The following DNAH5 variants were observed in gnomAD, a reference collection of about 807,000 sequenced individuals.
DNAH5 encodes dynein axonemal heavy chain 5, also known as axonemal beta dynein heavy chain 5.
Under a neutral mutation model 518.2 loss-of-function variants are expected in DNAH5, and 372 were observed. The ratio of observed to expected loss-of-function variants is 0.72; its 90% CI spans 0.66 to 0.78. DNAH5 has a LOEUF of 0.78. Among genes scored for constraint, DNAH5 ranks in the 30% least tolerant of loss-of-function variants. The pLI is 0.00. For missense variants in DNAH5, 5,523 were observed against 5,687.0 expected (o/e 0.97, Z 0.93); for synonymous variants, 2,039 against 2,025.9 (o/e 1.01, Z -0.17).
At chr5:13,898,432 G>T (rs1450581890) in intron 15 of DNAH5, 1 of 397,520 alleles carries the variant, frequency 2.5e-6, no homozygotes, top group Non-Finnish European at 4.4e-6. Flanking sequence ...GTCTAAAAGG[G>T]AATCTCAACA....
chr5:13,736,576 A>T (rs1231917714), intron 66 of DNAH5, among the ~76,000 whole-genome samples: 2 of 151,434 alleles, frequency 1.3e-5, no homozygotes, highest in East Asian at 3.9e-4. Context: ...TTTTTCTCTT[A>T]TATTTTTAGT....
Position 13,793,716 on chromosome 5 carries a change from T to C in DNAH5, c.8023A>G (p.Ile2675Val). 1 of 1,614,052 alleles carries C rather than the reference T, an allele frequency of 6.2e-7. No individual in the cohort carries two copies. The highest frequency in any genetic ancestry group is 1.3e-5 in the African/African-American group (1 of 75,034). ...TTTTGTTCCATCAGCTGTCGCACTA[T>C]CTCATTCGTAACCTACAAAAGACAA... ...NEWGDQVTNEIVRQLMEQNGF... is the reference protein window; with the variant it reads ...NEWGDQVTNEVVRQLMEQNGF... The change falls in exon 49 of 79, where the codon ATA becomes GTA. Residue 2675 changes from isoleucine to valine, a missense_variant. Transcript: ENST00000265104.
At chr5:13,823,440 A>G in intron 39 of DNAH5, 70 bp from the exon 40 acceptor site, 1 of 1,001,488 alleles carries the variant, frequency 1.0e-6, no homozygotes, top group Non-Finnish European at 1.6e-6. Context: ...GATAAACTGG[A>G]AATGCCCAAC....
intron 78 of DNAH5, among the ~76,000 whole-genome samples, chr5:13,695,720 A>G (rs1016238668): frequency 2.0e-5 from 3 of 152,160 alleles, no homozygotes; most frequent in Admixed American, 1.3e-4. Context: ...AAGTTAACAC[A>G]TGTATGTGCC....
intron 1 of DNAH5, among the ~76,000 whole-genome samples, chr5:14,002,504 G>GA (rs951271003): frequency 2.0e-5 from 3 of 150,088 alleles, no homozygotes; most frequent in South Asian, 4.2e-4. Flanking sequence ...ACTTCAACGA[G>GA]AAAAAAAAAT....
At position 13,885,222 on chromosome 5, in the gene DNAH5, CT is replaced by C. The variant is rs1772231343; in HGVS notation, c.2749del (p.Arg917GlufsTer9). On this transcript the variant is annotated frameshift_variant, in exon 19 of 79. Transcript: ENST00000265104. LOFTEE classifies it high-confidence loss of function. ...CAAGGTGTCAAAATTTCCTTCTTCT[CT>C]TTTTGCTGTTACAAGATGAAAGAGA... ...VNYKNESSAKREEGNFDTLTS... is the reference protein window; with the variant it reads ...VNYKNESSAKXEEGNFDTLTS... 1 of 1,613,980 alleles carries C rather than the reference CT, an allele frequency of 6.2e-7. No individual in the cohort carries two copies. Among genetic ancestry groups the C allele is most frequent in the South Asian group, 1.1e-5 (1 of 90,986 alleles).
chr5:13,755,693 C>T (rs542481906), intron 61 of DNAH5, among the ~76,000 whole-genome samples: 8 of 152,266 alleles, frequency 5.3e-5, no homozygotes, highest in African/African-American at 1.2e-4. Context: ...CCCCCAACTA[C>T]GGCTACTCAC....
intron 21 of DNAH5, among the ~76,000 whole-genome samples, chr5:13,881,342 A>C (rs937756469): frequency 2.0e-5 from 3 of 152,028 alleles, no homozygotes; most frequent in Non-Finnish European, 4.4e-5. Context: ...CAGCATATAC[A>C]TTCTTCTCGA....
At chr5:13,736,349 C>A (rs949765612) in intron 66 of DNAH5, among the ~76,000 whole-genome samples, 1 of 151,544 alleles carries the variant, frequency 6.6e-6, no homozygotes, top group African/African-American at 2.4e-5. Flanking sequence ...CAAGCCATTG[C>A]AAAGATGATG....
At chr5:14,011,428 A>G (rs1313586024) in intron 1 of DNAH5, among the ~76,000 whole-genome samples, 1 of 152,164 alleles carries the variant, frequency 6.6e-6, no homozygotes, top group Non-Finnish European at 1.5e-5. Context: ...CCCTGAGGAA[A>G]AAAACGTGCG....
intron 47 of DNAH5, among the ~76,000 whole-genome samples, chr5:13,799,295 T>G (rs1462111475): frequency 6.6e-6 from 1 of 151,198 alleles, no homozygotes; most frequent in African/African-American, 2.4e-5. Flanking sequence ...TATGGCCAAC[T>G]AGGACTTCCA....
intron 43 of DNAH5, among the ~76,000 whole-genome samples, chr5:13,813,377 A>G (rs1760973501): frequency 6.6e-6 from 1 of 151,444 alleles, no homozygotes; most frequent in Non-Finnish European, 1.5e-5. Context: ...AATCATATAT[A>G]TACATTTTCA....
At chr5:13,844,608 C>A (rs1561413103) in intron 32 of DNAH5, among the ~76,000 whole-genome samples, 1 of 144,130 alleles carries the variant, frequency 6.9e-6, no homozygotes, top group Non-Finnish European at 1.5e-5. Flanking sequence ...TAAATGCCTT[C>A]TTAATCCTAA....
intron 53 of DNAH5, among the ~76,000 whole-genome samples, chr5:13,778,185 G>A (rs1047186168): frequency 4.6e-5 from 7 of 151,948 alleles, no homozygotes; most frequent in Admixed American, 1.3e-4. Flanking sequence ...TCTAACTTCT[G>A]TAACCTACAC....
chr5:13,765,838 T>A, intron 59 of DNAH5, 138 bp downstream of exon 59: 2 of 933,190 alleles, frequency 2.1e-6, no homozygotes, highest in Admixed American at 1.8e-5. Context: ...TAATGTTTTA[T>A]ATTTGAGACA....
At chr5:13,717,273 C>G (rs548589680) in intron 73 of DNAH5, 42 bp downstream of exon 73, 10 of 1,581,846 alleles carry the variant, frequency 6.3e-6, no homozygotes, top group Middle Eastern at 2.0e-4. Context: ...ATGGCCCAAG[C>G]CCACAGCCAC....
chr5:13,737,468 T>C lies in DNAH5; in HGVS notation c.11239A>G (p.Met3747Val), dbSNP rs768267942. Residue 3747 changes from methionine to valine, a missense_variant, in exon 66 of 79, where the codon ATG becomes GTG. Transcript: ENST00000265104. ...CTTTTGTTTGCAGTTACATCTTCCA[T>C]CAGATGAGTTCTTTCTTTCTCCAAT... ...QELEKERTHLMEDVTANKRRM... is the reference protein window; with the variant it reads ...QELEKERTHLVEDVTANKRRM... 1.9e-6 allele frequency: 3 copies of C among 1,614,036 alleles called. No individual in the cohort carries two copies. Among genetic ancestry groups the C allele is most frequent in the Non-Finnish European group, 2.5e-6 (3 of 1,179,918 alleles).
intron 30 of DNAH5, among the ~76,000 whole-genome samples, 158 bp from the exon 31 acceptor site, chr5:13,850,973 T>C (rs1336276831): frequency 1.3e-5 from 2 of 152,240 alleles, no homozygotes; most frequent in Non-Finnish European, 2.9e-5. Context: ...GAAGTTCTTA[T>C]TGGGCTTTCT....
In DNAH5 at chr5:13,776,620, A is replaced by C; in HGVS notation, c.9192T>G (p.Leu3064=). Reference sequence around the variant, plus strand: ...AGTCGTGCAGGTTCTCATTGGTAGGAAGGCACCTGGGGAATTCTTTTTTCA... The same window carrying C: ...AGTCGTGCAGGTTCTCATTGGTAGGCAGGCACCTGGGGAATTCTTTTTTCA... The part of the protein sequence containing the change: ...SVMKKEFPRC[L]PTNENLHDYF... The change falls in exon 55 of 79, where the codon CTT becomes CTG. Residue 3064 remains leucine (L), a synonymous_variant. Transcript: ENST00000265104. The C allele has an allele frequency of 6.2e-7, 1 of 1,613,866 alleles. No homozygotes were observed. The highest frequency in any genetic ancestry group is 1.1e-5 in the South Asian group (1 of 91,084).
Sources: gnomAD v4.1 joint callset for allele counts (sites outside exome capture counted in the v4.1 genomes callset) on GRCh38, gnomAD v4.1.1 for gene constraint, MANE v1.5 for transcripts, NCBI Gene and HGNC (gene_info 2026-07-23, HGNC 2026-07-21) for gene names.